TNKS: variants seen among roughly 807,000 people sequenced by gnomAD.
TNKS encodes the protein poly [ADP-ribose] polymerase tankyrase-1.
TNKS carries 72 observed loss-of-function variants against 135.8 expected under a neutral mutation model. The observed-to-expected ratio is 0.53, with a 90% CI of 0.44 to 0.64. The LOEUF (loss-of-function observed/expected upper bound fraction) is 0.64, where lower values mean the gene tolerates loss of function less well. Among genes scored for constraint, TNKS ranks in the 30% least tolerant of loss-of-function variants. The pLI, the probability that TNKS is intolerant of heterozygous loss-of-function variation, is 0.00. For synonymous variants in TNKS, 849 were observed against 649.3 expected, an observed-to-expected ratio of 1.31 and a Z score of -4.68; for missense variants, 1,769 against 1,674.0, an observed-to-expected ratio of 1.06 and a Z score of -0.99.
intron 5 of TNKS, among the ~76,000 whole-genome samples, chr8:9,688,786 C>T (rs1005651745): frequency 6.6e-6 from 1 of 152,130 alleles, no homozygotes; most frequent in Admixed American, 6.6e-5. Context: ...ATTACAGGTG[C>T]CCGCCACCAT....
intron 3 of TNKS, among the ~76,000 whole-genome samples, chr8:9,668,221 G>C (rs1802092807): frequency 6.6e-6 from 1 of 152,186 alleles, no homozygotes; most frequent in Non-Finnish European, 1.5e-5. Context: ...GTATGTAAGG[G>C]CTGTTTGTAT....
chr8:9,626,879 A>G (rs1434981553), intron 3 of TNKS, among the ~76,000 whole-genome samples: 1 of 152,180 alleles, frequency 6.6e-6, no homozygotes, highest in Non-Finnish European at 1.5e-5. Flanking sequence ...CCTGGCATAC[A>G]ATTCCTAAAA....
chr8:9,658,412 C>G, intron 3 of TNKS: 1 of 1,288,994 alleles, frequency 7.8e-7, no homozygotes, highest in South Asian at 1.5e-5. Flanking sequence ...GAACTCCATC[C>G]TCCCGGCGGT....
chr8:9,648,037 T>A (rs938450468), intron 3 of TNKS, among the ~76,000 whole-genome samples: 1 of 152,150 alleles, frequency 6.6e-6, no homozygotes, highest in Admixed American at 6.6e-5. Context: ...GTATAAAATA[T>A]GAGAGACAGT....
At chr8:9,622,408 C>T (rs1799900177) in intron 3 of TNKS, among the ~76,000 whole-genome samples, 1 of 152,150 alleles carries the variant, frequency 6.6e-6, no homozygotes, top group East Asian at 1.9e-4. Context: ...GGTGCTATTT[C>T]AAGGGCGCTG....
rs552569805 is a variant in TNKS at position 9,774,179 on chromosome 8, T to G, written c.3898-2471T>G. Among the ~76,000 whole-genome samples, 149 of 152,338 alleles carry G rather than the reference T, an allele frequency of 9.8e-4. 1 individual carries two copies. The highest frequency in any genetic ancestry group is 3.4e-3 in the African/African-American group (143 of 41,580). ...TTTATGTTGTACTTTAAACTTCACA[T>G]TAGACATGAAGGAGAGGTGTTCTCT... On this transcript the variant is annotated intron_variant, in intron 26 of 26. Transcript: ENST00000310430.
At chr8:9,714,369 T>C (rs1804494514) in intron 11 of TNKS, among the ~76,000 whole-genome samples, 1 of 151,874 alleles carries the variant, frequency 6.6e-6, no homozygotes, top group Non-Finnish European at 1.5e-5. Context: ...TGTATATAAA[T>C]ATGTAGTATA....
intron 3 of TNKS, among the ~76,000 whole-genome samples, chr8:9,619,954 T>C (rs1271233354): frequency 1.3e-5 from 2 of 149,444 alleles, no homozygotes; most frequent in Non-Finnish European, 3.0e-5. Context: ...TTATTTTTAT[T>C]TATTTTTTTT....
At chr8:9,590,555 C>T (rs759526047) in intron 2 of TNKS, among the ~76,000 whole-genome samples, 1 of 152,216 alleles carries the variant, frequency 6.6e-6, no homozygotes, top group South Asian at 2.1e-4. Flanking sequence ...ACCTACTCTG[C>T]CTTACTTTGC....
intron 1 of TNKS, among the ~76,000 whole-genome samples, chr8:9,560,633 T>G (rs945135769): frequency 2.0e-5 from 3 of 151,544 alleles, no homozygotes; most frequent in East Asian, 3.9e-4. Context: ...GCTGCAGTCT[T>G]GGAGTGGGAA....
chr8:9,730,770 T>A, intron 13 of TNKS, 120 bp from the exon 14 acceptor site: 1 of 1,177,006 alleles, frequency 8.5e-7, no homozygotes, highest in East Asian at 2.5e-5. Flanking sequence ...TCTTTGGAAA[T>A]AAATATTCAT....
At position 9,765,765 on chromosome 8, in the gene TNKS, A is replaced by G; in HGVS notation, c.3521A>G (p.His1174Arg). The change falls in exon 24 of 27, where the codon CAC becomes CGC. Residue 1174 changes from histidine to arginine, a missense_variant. Around this residue, in one of 5 missense-constraint regions of TNKS, gnomAD observed 722 missense variants for 688.9 expected, o/e 1.05. Transcript: ENST00000310430. ...HRQKEVSEEN[H>R]NHHNERMLFH... The stretch of plus-strand genomic sequence containing the variant: ...CAGAAGGAAGTGTCTGAGGAGAATC[A>G]CAACCATCACAATGAGCGCATGTTG... 6.2e-7 allele frequency: 1 copy of G among 1,614,034 alleles called. No individual in the cohort carries two copies. The highest frequency in any genetic ancestry group is 8.5e-7 in the Non-Finnish European group (1 of 1,179,914).
chr8:9,662,711 G>T (rs551976292), intron 3 of TNKS, among the ~76,000 whole-genome samples: 3 of 152,084 alleles, frequency 2.0e-5, no homozygotes, highest in Admixed American at 6.5e-5. Context: ...AAACCTGCAC[G>T]TTGTGCACAT....
intron 23 of TNKS, 27 bp downstream of exon 23, chr8:9,764,817 A>G: frequency 6.4e-7 from 1 of 1,555,364 alleles, no homozygotes; most frequent in Non-Finnish European, 8.7e-7. Context: ...TCATGGTGAA[A>G]ACTGGATTGC....
intron 3 of TNKS, chr8:9,658,247 G>T: frequency 2.8e-6 from 1 of 355,048 alleles, no homozygotes; most frequent in Non-Finnish European, 5.0e-6. Context: ...GTGGCAGCCG[G>T]GCAGAGGCTG....
intron 21 of TNKS, among the ~76,000 whole-genome samples, 193 bp downstream of exon 21, chr8:9,761,829 C>T (rs1046132566): frequency 6.6e-6 from 1 of 152,174 alleles, no homozygotes; most frequent in Non-Finnish European, 1.5e-5. Flanking sequence ...TCTTCCCTGT[C>T]TCCCAACACT....
intron 2 of TNKS, among the ~76,000 whole-genome samples, chr8:9,591,670 A>G (rs1346010202): frequency 2.0e-5 from 3 of 151,954 alleles, no homozygotes; most frequent in Admixed American, 2.0e-4. Flanking sequence ...TCTTAGTTGG[A>G]TGTGTGTATT....
intron 3 of TNKS, among the ~76,000 whole-genome samples, chr8:9,632,694 T>A (rs889622377): frequency 2.0e-5 from 3 of 152,134 alleles, no homozygotes; most frequent in East Asian, 1.9e-4. Context: ...TTCTTTTACT[T>A]CTTTTACTTT....
At chr8:9,771,642 G>A (rs1585451876) in intron 26 of TNKS, among the ~76,000 whole-genome samples, 1 of 111,416 alleles carries the variant, frequency 9.0e-6, no homozygotes, top group African/African-American at 3.6e-5. Context: ...GGGAAAGAGA[G>A]AGAGGGATGA....
Sources: gnomAD v4.1 joint callset for allele counts (sites outside exome capture counted in the v4.1 genomes callset) on GRCh38, gnomAD v4.1.1 for gene constraint, gnomAD v4.1.1 regional missense constraint, MANE v1.5 for transcripts, NCBI Gene and HGNC (gene_info 2026-07-23, HGNC 2026-07-21) for gene names.